The following GSK3B variants were observed in gnomAD, a reference collection of about 807,000 sequenced individuals.
GSK3B encodes glycogen synthase kinase 3 beta, also known as glycogen synthase kinase-3 beta.
GSK3B carries 15 observed loss-of-function variants against 56.4 expected under a neutral mutation model. That is an observed-to-expected ratio of 0.27 (90% CI 0.18 to 0.41). The LOEUF (loss-of-function observed/expected upper bound fraction) is 0.41, where lower values mean the gene tolerates loss of function less well. Among genes scored for constraint, GSK3B ranks in the 10% least tolerant of loss-of-function variants. GSK3B has a pLI of 1.00. For missense variants in GSK3B, 300 were observed against 513.4 expected (o/e 0.58, Z 4.02); for synonymous variants, 181 against 188.9 (o/e 0.96, Z 0.34).
At chr3:119,920,411 T>C (rs192376619) in intron 4 of GSK3B, among the ~76,000 whole-genome samples, 1 of 152,300 alleles carries the variant, frequency 6.6e-6, no homozygotes, top group African/African-American at 2.4e-5. Context: ...AGCCAATTTT[T>C]ATATTTTTTA....
intron 4 of GSK3B, among the ~76,000 whole-genome samples, chr3:119,921,864 G>A (rs544108700): frequency 2.1e-4 from 32 of 152,256 alleles, no homozygotes; most frequent in East Asian, 1.2e-3. Flanking sequence ...CTGGCCAGGC[G>A]TGGTGGCTTG....
chr3:119,970,534 G>A lies in GSK3B; in HGVS notation c.283-23183C>T, dbSNP rs957905250. On this transcript the variant is annotated intron_variant, in intron 2 of 10. Coordinates refer to ENST00000264235, the MANE Select transcript of GSK3B (RefSeq NM_001146156.2). Reference sequence around the variant, plus strand: ...CGCCTGTAATCCCAACACTTTGAGAGGCCAAGGCCGGTGGATCACAAGGTC... The same window carrying A: ...CGCCTGTAATCCCAACACTTTGAGAAGCCAAGGCCGGTGGATCACAAGGTC... Among the ~76,000 whole-genome samples the A allele has an allele frequency of 4.5e-4, 68 of 151,272 alleles. 1 individual carries two copies. The highest frequency in any genetic ancestry group is 1.6e-3 in the African/African-American group (64 of 41,128).
At chr3:120,044,885 T>C (rs879262156) in intron 1 of GSK3B, among the ~76,000 whole-genome samples, 6 of 152,188 alleles carry the variant, frequency 3.9e-5, no homozygotes, top group African/African-American at 9.7e-5. Context: ...AATGAGAGCA[T>C]AGTGAAGGTC....
chr3:120,036,068 T>A (rs565735064), intron 1 of GSK3B, among the ~76,000 whole-genome samples: 1 of 152,334 alleles, frequency 6.6e-6, no homozygotes, highest in African/African-American at 2.4e-5. Context: ...GCAGAAAGCA[T>A]CCAATATTTT....
chr3:119,875,288 TAA>T (rs529728726), intron 8 of GSK3B, among the ~76,000 whole-genome samples: 2 of 152,014 alleles, frequency 1.3e-5, no homozygotes, highest in South Asian at 2.1e-4. Context: ...TATATCTGAT[TAA>T]GAGAGAGAGA....
At chr3:119,941,169 T>A (rs2057045445) in intron 3 of GSK3B, among the ~76,000 whole-genome samples, 2 of 151,832 alleles carry the variant, frequency 1.3e-5, no homozygotes, top group South Asian at 4.2e-4. Flanking sequence ...GCACTTGCCA[T>A]CACACCTGGC....
intron 7 of GSK3B, among the ~76,000 whole-genome samples, chr3:119,880,687 A>G (rs1352361678): frequency 6.6e-6 from 1 of 152,234 alleles, no homozygotes; most frequent in Non-Finnish European, 1.5e-5. Context: ...GTTATTGGAA[A>G]GAAAATAAAA....
intron 5 of GSK3B, 85 bp from the exon 6 acceptor site, chr3:119,912,895 T>C (rs559562157): frequency 1.6e-5 from 9 of 551,146 alleles, no homozygotes; most frequent in Non-Finnish European, 1.6e-5. Flanking sequence ...TTTCACAGTA[T>C]CAAATGATTT....
chr3:119,961,879 T>C (rs972786522), intron 2 of GSK3B, among the ~76,000 whole-genome samples: 3 of 152,240 alleles, frequency 2.0e-5, no homozygotes, highest in Admixed American at 1.3e-4. Flanking sequence ...CACTTTATTA[T>C]AGAATAGGCT....
At chr3:120,044,557 A>G (rs1253923389) in intron 1 of GSK3B, among the ~76,000 whole-genome samples, 1 of 152,158 alleles carries the variant, frequency 6.6e-6, no homozygotes, top group Non-Finnish European at 1.5e-5. Context: ...GTTTATTTAG[A>G]CGCAATTGGA....
chr3:119,889,625 G>C (rs1409178404), intron 7 of GSK3B, among the ~76,000 whole-genome samples: 1 of 152,018 alleles, frequency 6.6e-6, no homozygotes, highest in East Asian at 1.9e-4. Context: ...GTAAAAGAGG[G>C]GGAAAAACAG....
intron 7 of GSK3B, among the ~76,000 whole-genome samples, chr3:119,886,236 T>A (rs560844475): frequency 6.6e-6 from 1 of 151,804 alleles, no homozygotes; most frequent in East Asian, 1.9e-4. Flanking sequence ...GCAGAACACG[T>A]GAACAGAAAC....
intron 2 of GSK3B, among the ~76,000 whole-genome samples, chr3:119,973,666 T>C (rs2057387343): frequency 6.6e-6 from 1 of 152,366 alleles, no homozygotes; most frequent in Non-Finnish European, 1.5e-5. Context: ...ATAATCCACA[T>C]TCATATAACT....
intron 10 of GSK3B, chr3:119,833,125 A>G (rs1415519419): frequency 9.4e-6 from 1 of 105,844 alleles, no homozygotes; most frequent in Non-Finnish European, 1.4e-5. Flanking sequence ...GCATCCCCCC[A>G]CCCCCCGCCC....
intron 1 of GSK3B, chr3:120,084,527 A>G (rs866954112): frequency 1.3e-5 from 2 of 152,194 alleles, no homozygotes; most frequent in African/African-American, 4.8e-5. Flanking sequence ...ATTTTTATTC[A>G]ACAACTAAGG....
chr3:120,090,879 T>C (rs1030426785), intron 1 of GSK3B, among the ~76,000 whole-genome samples: 1 of 152,208 alleles, frequency 6.6e-6, no homozygotes, highest in Admixed American at 6.5e-5. Flanking sequence ...TCTGTTCTTA[T>C]GTTCTTATTT....
intron 1 of GSK3B, chr3:120,029,106 G>T: frequency 1.3e-6 from 1 of 771,058 alleles, no homozygotes; most frequent in South Asian, 1.6e-5. Flanking sequence ...ATGAATCACT[G>T]AAATCCAGGG....
At chr3:120,071,866 G>A (rs575714422) in intron 1 of GSK3B, among the ~76,000 whole-genome samples, 13 of 152,222 alleles carry the variant, frequency 8.5e-5, no homozygotes, top group African/African-American at 2.6e-4. Flanking sequence ...ACCACATTAA[G>A]AACCCAGATA....
chr3:119,941,467 C>G (rs1365226553), intron 3 of GSK3B, among the ~76,000 whole-genome samples: 1 of 152,228 alleles, frequency 6.6e-6, no homozygotes, highest in African/African-American at 2.4e-5. Flanking sequence ...AGTCAGACTA[C>G]TTGGAGCTGA....
Sources: gnomAD v4.1 joint callset for allele counts (sites outside exome capture counted in the v4.1 genomes callset) on GRCh38, gnomAD v4.1.1 for gene constraint, MANE v1.5 for transcripts, NCBI Gene and HGNC (gene_info 2026-07-23, HGNC 2026-07-21) for gene names.